PPP4R4: variants seen among roughly 807,000 people sequenced by gnomAD.
PPP4R4 encodes protein phosphatase 4 regulatory subunit 4.
In PPP4R4, 70 loss-of-function variants were observed where a neutral mutation model predicts 121.8. The observed-to-expected ratio is 0.57, with a 90% CI of 0.47 to 0.70. PPP4R4 has a LOEUF of 0.70. Among genes scored for constraint, PPP4R4 ranks in the 30% least tolerant of loss-of-function variants. The pLI is 0.00. For missense variants in PPP4R4, 875 were observed against 1,033.6 expected (o/e 0.85, Z 2.10); for synonymous variants, 348 against 355.7 (o/e 0.98, Z 0.24).
intron 8 of PPP4R4, among the ~76,000 whole-genome samples, chr14:94,239,453 G>T (rs1163374796): frequency 6.7e-6 from 1 of 148,552 alleles, no homozygotes; most frequent in Admixed American, 6.9e-5. Flanking sequence ...GCGGTGTTTG[G>T]TTTTTTTGTC....
chr14:94,200,098 T>G (rs1043216550), intron 2 of PPP4R4, among the ~76,000 whole-genome samples: 1 of 152,212 alleles, frequency 6.6e-6, no homozygotes, highest in Non-Finnish European at 1.5e-5. Context: ...AATATTGTTA[T>G]GTTAATGTAA....
rs376534910 is a variant in PPP4R4, at chr14:94,176,058, C to T, written c.122C>T (p.Pro41Leu). The T allele has an allele frequency of 4.3e-5, 70 of 1,611,572 alleles. No homozygotes were observed. Among genetic ancestry groups the T allele is most frequent in the Non-Finnish European group, 5.9e-5 (70 of 1,177,838 alleles). The change falls in exon 2 of 25, where the codon CCG (proline) becomes CTG (leucine). Residue 41 changes from proline (P) to leucine (L), a missense_variant. Coordinates refer to ENST00000304338, the MANE Select transcript of PPP4R4 (RefSeq NM_058237.2). ...ERPVRRSLKT[P>L]EEIERLTVDE... ...TGTGTATTTTACCCTTGACAGACAC[C>T]GGAAGAAATAGAAAGATTGACAGTC... is the stretch of plus-strand genomic sequence containing the variant.
intron 2 of PPP4R4, among the ~76,000 whole-genome samples, chr14:94,208,130 G>T (rs1890560498): frequency 6.6e-6 from 1 of 151,818 alleles, no homozygotes; most frequent in Non-Finnish European, 1.5e-5. Flanking sequence ...TGGCAAACTG[G>T]CAGGTCACAG....
chr14:94,248,249 A>G (rs1892995558), intron 14 of PPP4R4, among the ~76,000 whole-genome samples: 1 of 152,222 alleles, frequency 6.6e-6, no homozygotes, highest in Admixed American at 6.5e-5. Context: ...AAAAATCAGT[A>G]GCATTTCTAT....
At chr14:94,190,118 A>G (rs995834141) in intron 2 of PPP4R4, among the ~76,000 whole-genome samples, 2 of 151,220 alleles carry the variant, frequency 1.3e-5, no homozygotes, top group Non-Finnish European at 2.9e-5. Context: ...GCCTCAAGCA[A>G]TCTTCCTGAC....
intron 5 of PPP4R4, among the ~76,000 whole-genome samples, chr14:94,232,611 C>A (rs1243882357): frequency 6.6e-6 from 1 of 152,132 alleles, no homozygotes; most frequent in African/African-American, 2.4e-5. Context: ...CTTTTCACTT[C>A]TAAATTATCA....
At chr14:94,246,328 AT>A (rs1177904000) in intron 13 of PPP4R4, 28 bp from the exon 14 acceptor site, 1 of 1,573,140 alleles carries the variant, frequency 6.4e-7, no homozygotes, top group African/African-American at 1.4e-5. Flanking sequence ...TTTATTTATA[AT>A]TGATTTTTTG....
At chr14:94,267,344 G>T (rs1185587861) in intron 23 of PPP4R4, among the ~76,000 whole-genome samples, 3 of 152,184 alleles carry the variant, frequency 2.0e-5, no homozygotes, top group Non-Finnish European at 4.4e-5. Flanking sequence ...TTTTAGGGAA[G>T]TTAAAAACAA....
At chr14:94,205,424 G>A (rs974459607) in intron 2 of PPP4R4, among the ~76,000 whole-genome samples, 1 of 151,864 alleles carries the variant, frequency 6.6e-6, no homozygotes, top group Non-Finnish European at 1.5e-5. Context: ...TTCATGTCTT[G>A]TCTTGTTCTT....
In PPP4R4 at chr14:94,246,411, G is replaced by T. The variant is rs752081552; in HGVS notation, c.1483G>T (p.Ala495Ser). ...PALTAAEQRA[A>S]ASLKWRTHEK... The stretch of plus-strand genomic sequence containing the variant: ...ACTCACAGCTGCTGAACAGCGAGCT[G>T]CAGCCTCTTTAAAATGGAGAACTCA... Residue 495 changes from alanine (A) to serine (S), a missense_variant, in exon 14 of 25, where the codon GCA becomes TCA. Coordinates refer to ENST00000304338, the MANE Select transcript of PPP4R4 (RefSeq NM_058237.2). 1.2e-6 allele frequency: 2 copies of T among 1,614,106 alleles called. No homozygotes were observed. Among genetic ancestry groups the T allele is most frequent in the Non-Finnish European group, 8.5e-7 (1 of 1,179,982 alleles).
At chr14:94,257,673 A>ACACG (rs1305982965) in intron 17 of PPP4R4, among the ~76,000 whole-genome samples, 1 of 148,852 alleles carries the variant, frequency 6.7e-6, no homozygotes, top group African/African-American at 2.5e-5. Flanking sequence ...ACACACACAC[A>ACACG]CACTTGTTTC....
chr14:94,237,757 A>G, intron 8 of PPP4R4, 71 bp downstream of exon 8: 1 of 1,508,570 alleles, frequency 6.6e-7, no homozygotes, highest in African/African-American at 1.4e-5. Flanking sequence ...ACTAATAAGG[A>G]ATAAAAGTAG....
intron 2 of PPP4R4, among the ~76,000 whole-genome samples, chr14:94,186,699 T>C (rs1312853340): frequency 6.6e-6 from 1 of 152,246 alleles, no homozygotes; most frequent in Non-Finnish European, 1.5e-5. Flanking sequence ...GGTACCATTT[T>C]ACATTTCCAC....
At chr14:94,226,858 C>T (rs1232652678) in intron 3 of PPP4R4, among the ~76,000 whole-genome samples, 1 of 152,126 alleles carries the variant, frequency 6.6e-6, no homozygotes, top group Non-Finnish European at 1.5e-5. Context: ...CAATAAGATT[C>T]TTTTCAGAAT....
At chr14:94,272,517 T>C (rs1267867821) in intron 23 of PPP4R4, among the ~76,000 whole-genome samples, 1 of 152,178 alleles carries the variant, frequency 6.6e-6, no homozygotes, top group Non-Finnish European at 1.5e-5. Flanking sequence ...AATGAATCGC[T>C]GTTCTAAATG....
intron 24 of PPP4R4, among the ~76,000 whole-genome samples, chr14:94,278,285 G>T (rs1446303302): frequency 1.3e-5 from 2 of 152,036 alleles, no homozygotes; most frequent in Non-Finnish European, 2.9e-5. Flanking sequence ...TTTTAAGGCA[G>T]TTCATATATT....
intron 2 of PPP4R4, among the ~76,000 whole-genome samples, chr14:94,189,625 T>C (rs995739691): frequency 1.3e-5 from 2 of 152,202 alleles, no homozygotes; most frequent in African/African-American, 4.8e-5. Context: ...CTTCTCAACT[T>C]TGGATCATTT....
intron 2 of PPP4R4, among the ~76,000 whole-genome samples, chr14:94,199,652 A>G (rs554897911): frequency 6.6e-6 from 1 of 152,226 alleles, no homozygotes; most frequent in South Asian, 2.1e-4. Context: ...CAGAAGAGAG[A>G]CAGAGTGGAA....
chr14:94,219,153 C>T (rs1041199256), intron 3 of PPP4R4, among the ~76,000 whole-genome samples: 16 of 140,488 alleles, frequency 1.1e-4, no homozygotes, highest in Admixed American at 1.1e-3. Flanking sequence ...GATCTAGGCT[C>T]ACTGCAACCT....
Sources: allele counts gnomAD v4.1 joint callset (sites outside exome capture counted in the v4.1 genomes callset), GRCh38; gene constraint gnomAD v4.1.1; transcripts MANE v1.5; gene names NCBI Gene and HGNC (gene_info 2026-07-23, HGNC 2026-07-21).